The following COMP variants were observed in gnomAD, a reference collection of about 807,000 sequenced individuals.
COMP encodes the protein cartilage oligomeric matrix protein.
COMP carries 79 observed loss-of-function variants against 95.8 expected under a neutral mutation model. That is an observed-to-expected ratio of 0.82 (90% CI 0.69 to 0.99). The LOEUF (loss-of-function observed/expected upper bound fraction) is 0.99, where lower values mean the gene tolerates loss of function less well. Ranked by LOEUF, COMP falls within the 50% of genes least tolerant of loss-of-function variation. The probability of loss-of-function intolerance (pLI) is 0.00; values close to 1 mark genes in which losing one functional copy is unlikely to be tolerated. For missense variants in COMP, 906 were observed against 1,076.1 expected (o/e 0.84, Z 2.21); for synonymous variants, 438 against 433.9 (o/e 1.01, Z -0.12).
Position 18,784,336 on chromosome 19 carries a change from C to A in COMP, c.1942G>T (p.Glu648Ter). 6.2e-7 allele frequency: 1 copy of A among 1,614,048 alleles called. No homozygotes were observed. The highest frequency in any genetic ancestry group is 8.5e-7 in the Non-Finnish European group (1 of 1,180,042). ...KAVKSSTGPGEQLRNALWHTG... is the reference protein window; with the variant it reads ...KAVKSSTGPG ...TGCCACAGAGCGTTCCGCAGCTGTT[C>A]CCCGGGGCCTGTGGAAGACTTCACA... Residue 648 changes from glutamate (E) to a stop codon, truncating the protein, a stop_gained, in exon 17 of 19, where the codon GAA (glutamate) becomes TAA (stop). Transcript: ENST00000222271. LOFTEE classifies it high-confidence loss of function. This position sits in a 1 kb window ranked among gnomAD's most constrained non-coding sequence, Gnocchi z 4.9.
At chr19:18,785,584 G>A in intron 14 of COMP, 38 bp from the exon 15 acceptor site, 2 of 1,613,840 alleles carry the variant, frequency 1.2e-6, no homozygotes, top group South Asian at 1.1e-5. Flanking sequence ...CAGGCTGGCC[G>A]TGACAGCCCT....
intron 10 of COMP, 59 bp downstream of exon 10, chr19:18,787,432 G>A: frequency 1.3e-6 from 2 of 1,598,100 alleles, no homozygotes; most frequent in Non-Finnish European, 1.7e-6. Flanking sequence ...CCCCGGAGCC[G>A]AATCCCGCCC....
Position 18,783,119 on chromosome 19 carries a change from C to T in COMP, c.2162G>A (p.Arg721His), listed in dbSNP as rs751668619. The T allele has an allele frequency of 1.4e-5, 22 of 1,611,126 alleles. 1 individual carries two copies. Among genetic ancestry groups the T allele is most frequent in the Non-Finnish European group, 1.7e-5 (20 of 1,179,996 alleles). ...CTGGGAGAAGCAGAAGACCCCCAGG[C>T]GGCCACCCCGCATGGTTGTGTCCAA... The part of the protein sequence containing the change: ...VVLDTTMRGG[R>H]LGVFCFSQEN... Residue 721 changes from arginine (R) to histidine (H), a missense_variant, in exon 18 of 19, where the codon CGC becomes CAC. Coordinates refer to ENST00000222271, the MANE Select transcript of COMP (RefSeq NM_000095.3).
At position 18,784,965 on chromosome 19, in the gene COMP, C is replaced by T. The variant is rs2055154140; in HGVS notation, c.1845G>A (p.Lys615=). ...CCTGCCAATACGTTTGCTCCATCTG[C>T]TTCCACATGACCACGTAGAAGCTGG... ...DSSSFYVVMW[K]QMEQTYWQAN... is the part of the protein sequence containing the mutation. The change falls in exon 16 of 19, where the codon AAG becomes AAA. Residue 615 remains lysine (K), a synonymous_variant. Transcript: ENST00000222271. The surrounding 1 kb of genome is among the most constrained non-coding windows in gnomAD (Gnocchi z 4.9). 1.9e-6 allele frequency: 3 copies of T among 1,614,140 alleles called. No individual in the cohort carries two copies. The highest frequency in any genetic ancestry group is 1.7e-5 in the Admixed American group (1 of 60,028).
rs2055183059 is a variant in COMP at position 18,788,112 on chromosome 19, C to A, written c.975+100G>T. ...AGAGGAGGGGTTTCACCATGATGGC[C>A]AGGATGGTCTCCATCTCTTGACCTC... On this transcript the variant is annotated intron_variant, in intron 9 of 18. Transcript: ENST00000222271. The surrounding 1 kb of genome is among the most constrained non-coding windows in gnomAD (Gnocchi z 4.7). 1 of 963,966 alleles carries A rather than the reference C, an allele frequency of 1.0e-6. No individual in the cohort carries two copies. The highest frequency in any genetic ancestry group is 1.6e-5 in the African/African-American group (1 of 62,376). 59.7% of individuals were successfully genotyped at this position (963,966 alleles called of 1,614,324 possible).
Position 18,785,730 on chromosome 19 carries a change from G to A in COMP, c.1611C>T (p.Val537=). ...TLTDFRAFQT[V]VLDPEGDAQI... is the part of the protein sequence containing the mutation. ...GCGCGTCACCCTCCGGGTCCAGCAC[G>A]ACTGTCTGGAAGGCCCTGAAGTCGG... The change falls in exon 14 of 19, where the codon GTC becomes GTT. Residue 537 remains valine (V), a synonymous_variant. Coordinates refer to ENST00000222271, the MANE Select transcript of COMP (RefSeq NM_000095.3). The A allele has an allele frequency of 1.2e-6, 2 of 1,613,512 alleles. No individual in the cohort carries two copies. Among genetic ancestry groups the A allele is most frequent in the Non-Finnish European group, 1.7e-6 (2 of 1,180,032 alleles).
intron 1 of COMP, 127 bp downstream of exon 1, chr19:18,791,064 T>A: frequency 6.6e-7 from 1 of 1,504,592 alleles, no homozygotes; most frequent in South Asian, 1.2e-5. Flanking sequence ...CGCCACCTGC[T>A]TTCTGCGCCC....
chr19:18,784,438 CAGTT>C lies in COMP; in HGVS notation c.1915-79_1915-76del. On this transcript the variant is annotated intron_variant, in intron 16 of 18. Coordinates refer to ENST00000222271, the MANE Select transcript of COMP (RefSeq NM_000095.3). The surrounding 1 kb of genome is among the most constrained non-coding windows in gnomAD (Gnocchi z 4.9). ...CCCCCTAGACACCTTCCTGGAGAGACAGTTGGGAGCAGCAGGTGGTGGGCGGCCA... is the reference window on the plus strand; with the variant it reads ...CCCCCTAGACACCTTCCTGGAGAGACGGGAGCAGCAGGTGGTGGGCGGCCA... 6.4e-7 allele frequency: 1 copy of C among 1,564,924 alleles called. No homozygotes were observed. The highest frequency in any genetic ancestry group is 8.8e-7 in the Non-Finnish European group (1 of 1,141,102).
rs749339585 is a variant in COMP at position 18,782,887 on chromosome 19, G to A, written c.*28C>T. The A allele has an allele frequency of 6.2e-7, 1 of 1,609,024 alleles. No homozygotes were observed. Among genetic ancestry groups the A allele is most frequent in the Non-Finnish European group, 8.5e-7 (1 of 1,179,730 alleles). ...CCATCCAGCCGCGGTGAGGGTGGCT[G>A]TCATCCGGCGGGTCCTCACCCTGGT... On this transcript the variant is annotated 3_prime_UTR_variant, in exon 19 of 19. Coordinates refer to ENST00000222271, the MANE Select transcript of COMP (RefSeq NM_000095.3).
Position 18,791,295 on chromosome 19 carries a change from G to A in COMP, c.-26C>T, listed in dbSNP as rs1217384792. 1.0e-5 allele frequency: 16 copies of A among 1,574,228 alleles called. No individual in the cohort carries two copies. The highest frequency in any genetic ancestry group is 1.2e-5 in the South Asian group (1 of 86,372). On this transcript the variant is annotated 5_prime_UTR_variant, in exon 1 of 19. Transcript: ENST00000222271. ...GGCGGTGGCGGGGAGCTGGGTGGCTGCTCGCTTTCTACCGCCCACGAGGCC... is the reference window on the plus strand; with the variant it reads ...GGCGGTGGCGGGGAGCTGGGTGGCTACTCGCTTTCTACCGCCCACGAGGCC...
At chr19:18,790,526 G>A (rs780401903) in intron 3 of COMP, 36 bp downstream of exon 3, 45 of 1,611,258 alleles carry the variant, frequency 2.8e-5, no homozygotes, top group Non-Finnish European at 3.6e-5. Context: ...TCTGTCTCCC[G>A]TCTCTTCTCT....
rs765870740 is a variant in COMP, at chr19:18,784,888, C to T, written c.1914+8G>A. On this transcript the variant is annotated splice_region_variant and intron_variant, in intron 16 of 18. Transcript: ENST00000222271. The surrounding 1 kb of genome is among the most constrained non-coding windows in gnomAD (Gnocchi z 4.9). ...ACCGCAGAGGTCAGGCACGGACGGC[C>T]CTGGCACCTTGAGTTGGATGCCAGG... The T allele has an allele frequency of 1.2e-6, 2 of 1,613,512 alleles. No homozygotes were observed. The highest frequency in any genetic ancestry group is 1.1e-5 in the South Asian group (1 of 91,076).
intron 3 of COMP, 104 bp from the exon 4 acceptor site, chr19:18,790,218 C>T: frequency 2.3e-6 from 2 of 874,462 alleles, no homozygotes; most frequent in South Asian, 3.6e-5. Context: ...CCCTTCCCCC[C>T]CACCCCCCGC....
At position 18,790,058 on chromosome 19, in the gene COMP, C is replaced by CCCCT; in HGVS notation, c.273_274insAGGG (p.Ala92ArgfsTer95). On this transcript the variant is annotated frameshift_variant, in exon 4 of 19. Coordinates refer to ENST00000222271, the MANE Select transcript of COMP (RefSeq NM_000095.3). LOFTEE classifies it high-confidence loss of function. ...ACGCCGGGGAAGCAGAAGCCGGGCG[C>CCCCT]GCAGTGGAGCAGGGGCCGCACGCTG... 1.3e-6 allele frequency: 2 copies of CCCCT among 1,555,058 alleles called. No individual in the cohort carries two copies. Among genetic ancestry groups the CCCCT allele is most frequent in the Non-Finnish European group, 1.7e-6 (2 of 1,155,576 alleles).
In COMP at chr19:18,788,191, C is replaced by G; in HGVS notation, c.975+21G>C. ...TGCTGGGATTACAGGAGTGAACCAC[C>G]GTGCCGAGCCGTAGATCTACCTTTT... is the stretch of plus-strand genomic sequence containing the variant. On this transcript the variant is annotated intron_variant, in intron 9 of 18. Coordinates refer to ENST00000222271, the MANE Select transcript of COMP (RefSeq NM_000095.3). The surrounding 1 kb of genome is among the most constrained non-coding windows in gnomAD (Gnocchi z 4.7). 1 of 1,600,628 alleles carries G rather than the reference C, an allele frequency of 6.2e-7. No homozygotes were observed. The highest frequency in any genetic ancestry group is 1.7e-5 in the Admixed American group (1 of 59,922).
chr19:18,789,642 G>C lies in COMP; in HGVS notation c.390+300C>G, dbSNP rs1438060432. Among the ~76,000 whole-genome samples the C allele has an allele frequency of 6.6e-6, 1 of 151,260 alleles. No homozygotes were observed. Among genetic ancestry groups the C allele is most frequent in the Non-Finnish European group, 1.5e-5 (1 of 67,798 alleles). On this transcript the variant is annotated intron_variant, in intron 4 of 18. Transcript: ENST00000222271. This position sits in a 1 kb window ranked among gnomAD's most constrained non-coding sequence, Gnocchi z 6.1. ...CTGTGGAAGGGTCGTTGGGACTGGCGATCCCCTGCGGCGAGGAGGGTAGCT... is the reference window on the plus strand; with the variant it reads ...CTGTGGAAGGGTCGTTGGGACTGGCCATCCCCTGCGGCGAGGAGGGTAGCT...
Position 18,784,457 on chromosome 19 carries a change from G to T in COMP, c.1915-94C>A. 2 of 1,476,790 alleles carry T rather than the reference G, an allele frequency of 1.4e-6. No homozygotes were observed. The highest frequency in any genetic ancestry group is 1.9e-6 in the Non-Finnish European group (2 of 1,067,608). The allele number at this position is 1,476,790 out of a possible 1,614,324, so 91.5% of individuals were successfully genotyped here. On this transcript the variant is annotated intron_variant, in intron 16 of 18. Coordinates refer to ENST00000222271, the MANE Select transcript of COMP (RefSeq NM_000095.3). This position sits in a 1 kb window ranked among gnomAD's most constrained non-coding sequence, Gnocchi z 4.9. Reference sequence around the variant, plus strand: ...GAGAGACAGTTGGGAGCAGCAGGTGGTGGGCGGCCAGGGGGATCCGGATGA... The same window carrying T: ...GAGAGACAGTTGGGAGCAGCAGGTGTTGGGCGGCCAGGGGGATCCGGATGA...
intron 15 of COMP, 152 bp from the exon 16 acceptor site, chr19:18,785,244 C>G: frequency 1.1e-6 from 1 of 924,314 alleles, no homozygotes; most frequent in Non-Finnish European, 1.7e-6. Flanking sequence ...CCACGCCCCC[C>G]ATCTACCATT....
chr19:18,788,843 G>A lies in COMP; in HGVS notation c.599C>T (p.Thr200Ile), dbSNP rs1473354236. Reference sequence around the variant, plus strand: ...TTCCTCCCCAGCGGGCCTTACCCGGGTGTTGATGCACACGGAGTTGGGGAC... The same window carrying A: ...TTCCTCCCCAGCGGGCCTTACCCGGATGTTGATGCACACGGAGTTGGGGAC... Reference protein sequence around the residue: ...NCVPNSVCINTRGSFQCGPCQ... With the variant: ...NCVPNSVCINIRGSFQCGPCQ... The change falls in exon 6 of 19, where the codon ACC (threonine) becomes ATC (isoleucine). Residue 200 changes from threonine (T) to isoleucine (I), a missense_variant. Thr to Ile is a moderately conservative substitution (Grantham distance 89, BLOSUM62 -1). Coordinates refer to ENST00000222271, the MANE Select transcript of COMP (RefSeq NM_000095.3). This position sits in a 1 kb window ranked among gnomAD's most constrained non-coding sequence, Gnocchi z 4.7. The A allele has an allele frequency of 1.9e-6, 3 of 1,613,916 alleles. No individual in the cohort carries two copies. Among genetic ancestry groups the A allele is most frequent in the South Asian group, 1.1e-5 (1 of 91,046 alleles).
Sources: gnomAD v4.1 joint callset for allele counts (sites outside exome capture counted in the v4.1 genomes callset) on GRCh38, gnomAD v4.1.1 for gene constraint, Gnocchi (gnomAD v3.1) non-coding constraint, MANE v1.5 for transcripts, NCBI Gene and HGNC (gene_info 2026-07-23, HGNC 2026-07-21) for gene names.